The following BNC2 variants were observed in gnomAD, a reference collection of about 807,000 sequenced individuals.
The protein encoded by BNC2 is zinc finger protein basonuclin-2.
A neutral mutation model predicts 76.3 loss-of-function variants in BNC2; 20 were observed. That is an observed-to-expected ratio of 0.26 (90% CI 0.18 to 0.38). The LOEUF is 0.38. Among genes scored for constraint, BNC2 ranks in the 10% least tolerant of loss-of-function variants. The pLI, the probability that BNC2 is intolerant of heterozygous loss-of-function variation, is 1.00. For synonymous variants in BNC2, 582 were observed against 514.8 expected, an observed-to-expected ratio of 1.13 and a Z score of -1.77; for missense variants, 1,382 against 1,399.8, an observed-to-expected ratio of 0.99 and a Z score of 0.20.
chr9:16,658,037 C>T (rs928937775), intron 3 of BNC2, among the ~76,000 whole-genome samples: 7 of 152,048 alleles, frequency 4.6e-5, no homozygotes, highest in Non-Finnish European at 8.8e-5. Context: ...ACCGGAATTT[C>T]GGGACAAGAG....
At chr9:16,728,105 T>C (rs1277474021) in intron 2 of BNC2, 108 bp from the exon 3 acceptor site, 2 of 559,786 alleles carry the variant, frequency 3.6e-6, no homozygotes, top group African/African-American at 2.0e-5. Flanking sequence ...AGGGGGAGAT[T>C]TGGGGGAGGG....
chr9:16,637,883 G>A (rs990231647), intron 3 of BNC2, among the ~76,000 whole-genome samples: 10 of 152,212 alleles, frequency 6.6e-5, no homozygotes, highest in Non-Finnish European at 1.0e-4. Context: ...GTATTGTGGT[G>A]TAATATACAT....
At chr9:16,813,070 G>A (rs941372760) in intron 1 of BNC2, among the ~76,000 whole-genome samples, 7 of 152,038 alleles carry the variant, frequency 4.6e-5, no homozygotes, top group South Asian at 2.1e-4. Flanking sequence ...TTAGCCGGGC[G>A]TGGTGACGCC....
intron 3 of BNC2, among the ~76,000 whole-genome samples, chr9:16,702,717 G>C (rs1823550501): frequency 6.6e-6 from 1 of 152,154 alleles, no homozygotes; most frequent in Non-Finnish European, 1.5e-5. Flanking sequence ...GCAGGTCAAA[G>C]GAGGATGACC....
Position 16,428,298 on chromosome 9 carries a change from A to C in BNC2, c.2639+7257T>G, listed in dbSNP as rs1012231777. ...CAGTGACAGAGCAGACTAAAAAGGCAGCAGAGTTAGAGCGGCTCCCCTCCA... is the reference window on the plus strand; with the variant it reads ...CAGTGACAGAGCAGACTAAAAAGGCCGCAGAGTTAGAGCGGCTCCCCTCCA... On this transcript the variant is annotated intron_variant, in intron 6 of 6. Transcript: ENST00000380672. Among the ~76,000 whole-genome samples the C allele has an allele frequency of 3.3e-5, 5 of 152,232 alleles. 1 individual carries two copies.
chr9:16,475,900 T>C (rs893582126), intron 5 of BNC2: 4 of 152,226 alleles, frequency 2.6e-5, no homozygotes, highest in Non-Finnish European at 5.9e-5. Flanking sequence ...CATAAATCCT[T>C]TTGATGCATT....
At chr9:16,780,417 C>T (rs923197368) in intron 1 of BNC2, among the ~76,000 whole-genome samples, 1 of 149,836 alleles carries the variant, frequency 6.7e-6, no homozygotes, top group African/African-American at 2.5e-5. Context: ...ACTAAAAATA[C>T]AAAAATTATC....
intron 1 of BNC2, among the ~76,000 whole-genome samples, chr9:16,794,047 T>C (rs759229532): frequency 3.3e-5 from 5 of 151,866 alleles, no homozygotes; most frequent in Admixed American, 1.3e-4. Flanking sequence ...ATGATATACA[T>C]TGGATTGTGT....
chr9:16,525,066 G>A (rs1409981103), intron 5 of BNC2, among the ~76,000 whole-genome samples: 1 of 144,562 alleles, frequency 6.9e-6, no homozygotes, highest in Non-Finnish European at 1.5e-5. Flanking sequence ...ACAGAGACCC[G>A]GAGTGGGGGA....
At chr9:16,670,330 A>G (rs1822438095) in intron 3 of BNC2, among the ~76,000 whole-genome samples, 1 of 152,120 alleles carries the variant, frequency 6.6e-6, no homozygotes, top group African/African-American at 2.4e-5. Flanking sequence ...AATAAAATAT[A>G]TTAGAGACAA....
chr9:16,689,389 C>T (rs1450968490), intron 3 of BNC2, among the ~76,000 whole-genome samples: 1 of 151,982 alleles, frequency 6.6e-6, no homozygotes, highest in African/African-American at 2.4e-5. Flanking sequence ...TCAGGGATGC[C>T]CCCTGCAGAG....
In BNC2 at chr9:16,692,889, G is replaced by C. The variant is rs531743717; in HGVS notation, c.330+34908C>G. ...TCATGCCTGTAATTCCAGCACTTTG[G>C]GGGGCCAAGGTGGGTGGATTACCTG... On this transcript the variant is annotated intron_variant, in intron 3 of 6. Transcript: ENST00000380672. Among the ~76,000 whole-genome samples the C allele has an allele frequency of 1.4e-4, 22 of 152,142 alleles. No homozygotes were observed. In the East Asian group the frequency reaches 4.3e-3, roughly 30 times the overall value.
chr9:16,694,947 A>T (rs1694433449), intron 3 of BNC2, among the ~76,000 whole-genome samples: 1 of 152,218 alleles, frequency 6.6e-6, no homozygotes, highest in African/African-American at 2.4e-5. Flanking sequence ...AGTAGTCTGT[A>T]TCAGACAGGT....
chr9:16,568,784 G>C (rs1377160510), intron 4 of BNC2, among the ~76,000 whole-genome samples: 2 of 152,162 alleles, frequency 1.3e-5, no homozygotes, highest in African/African-American at 4.8e-5. Flanking sequence ...AGGAGATCGT[G>C]AAGGCAGGCA....
At chr9:16,753,225 A>C (rs1439660220) in intron 1 of BNC2, among the ~76,000 whole-genome samples, 1 of 152,268 alleles carries the variant, frequency 6.6e-6, no homozygotes, top group African/African-American at 2.4e-5. Flanking sequence ...ATTTTAGAGT[A>C]TATTTTATTA....
chr9:16,631,985 T>G (rs1821175540), intron 3 of BNC2, among the ~76,000 whole-genome samples: 1 of 152,154 alleles, frequency 6.6e-6, no homozygotes, highest in Non-Finnish European at 1.5e-5. Flanking sequence ...CTGATCTGTG[T>G]TGCTGGGGCA....
At chr9:16,734,525 C>A (rs1413530309) in intron 2 of BNC2, among the ~76,000 whole-genome samples, 1 of 152,198 alleles carries the variant, frequency 6.6e-6, no homozygotes, top group Non-Finnish European at 1.5e-5. Context: ...ATGGTTCTGG[C>A]CACCTTGACT....
intron 1 of BNC2, among the ~76,000 whole-genome samples, chr9:16,764,936 A>C (rs1284924924): frequency 6.6e-6 from 1 of 152,020 alleles, no homozygotes; most frequent in African/African-American, 2.4e-5. Context: ...GAAGAAGGGA[A>C]GGAAGAAAAA....
intron 5 of BNC2, among the ~76,000 whole-genome samples, chr9:16,544,209 T>C (rs1383762614): frequency 6.6e-6 from 1 of 152,216 alleles, no homozygotes; most frequent in East Asian, 1.9e-4. Context: ...CTGAGAGATC[T>C]CCTATCTCAA....
Sources: allele counts gnomAD v4.1 joint callset (sites outside exome capture counted in the v4.1 genomes callset), GRCh38; gene constraint gnomAD v4.1.1; transcripts MANE v1.5; gene names NCBI Gene and HGNC (gene_info 2026-07-23, HGNC 2026-07-21).